Variants in CSMD3 observed in about 807,000 individuals in gnomAD.
CSMD3 encodes the protein CUB and sushi domain-containing protein 3.
A neutral mutation model predicts 435.2 loss-of-function variants in CSMD3; 177 were observed. The observed-to-expected ratio is 0.41, with a 90% confidence interval of 0.36 to 0.46. CSMD3 has a LOEUF of 0.46. Ranked by LOEUF, CSMD3 falls within the 20% of genes least tolerant of loss-of-function variation. The pLI is 0.34. For missense variants in CSMD3, 4,265 were observed against 4,504.6 expected (o/e 0.95, Z 1.52); for synonymous variants, 1,656 against 1,520.5 (o/e 1.09, Z -2.07).
At chr8:112,382,206 C>A (rs1242363356) in intron 37 of CSMD3, among the ~76,000 whole-genome samples, 1 of 149,040 alleles carries the variant, frequency 6.7e-6, no homozygotes, top group Non-Finnish European at 1.5e-5. Context: ...ATTACTTGAG[C>A]CCAAGAATTC....
At chr8:113,258,510 A>G (rs7834149) in intron 3 of CSMD3, among the ~76,000 whole-genome samples, 22,462 of 152,198 alleles carry the variant, frequency 0.15, 1,806 homozygotes, top group Middle Eastern at 0.21. Flanking sequence ...TATAAGTAGA[A>G]GTGTCATAAC....
intron 4 of CSMD3, among the ~76,000 whole-genome samples, chr8:113,169,078 A>G (rs1473950055): frequency 6.6e-6 from 1 of 152,134 alleles, no homozygotes; most frequent in Non-Finnish European, 1.5e-5. Context: ...GCTCAGCCCA[A>G]TTCCATGTTT....
At chr8:112,674,392 C>T (rs1345712326) in intron 16 of CSMD3, among the ~76,000 whole-genome samples, 1 of 152,062 alleles carries the variant, frequency 6.6e-6, no homozygotes, top group Non-Finnish European at 1.5e-5. Flanking sequence ...AGGTATGGAA[C>T]ATGTTGATTC....
intron 13 of CSMD3, 83 bp from the exon 14 acceptor site, chr8:112,690,133 C>T (rs1012114129): frequency 3.0e-6 from 3 of 997,678 alleles, no homozygotes; most frequent in South Asian, 1.3e-5. Flanking sequence ...GATATATGCT[C>T]TTTGTTGTGG....
chr8:112,805,793 A>G (rs1190694136), intron 12 of CSMD3, among the ~76,000 whole-genome samples: 1 of 152,162 alleles, frequency 6.6e-6, no homozygotes, highest in Non-Finnish European at 1.5e-5. Flanking sequence ...GTATTTATGA[A>G]AAAGTATTCA....
At chr8:112,905,128 T>C (rs1196933455) in intron 10 of CSMD3, among the ~76,000 whole-genome samples, 1 of 151,224 alleles carries the variant, frequency 6.6e-6, no homozygotes. Flanking sequence ...AATAAAGATA[T>C]ATGGTAGACA....
chr8:112,559,051 TA>T (rs1828380759), intron 24 of CSMD3, among the ~76,000 whole-genome samples: 1 of 151,890 alleles, frequency 6.6e-6, no homozygotes, highest in Non-Finnish European at 1.5e-5. Context: ...GATGTAGAGA[TA>T]ATATTTCTGT....
chr8:113,346,509 G>A (rs996488629), intron 1 of CSMD3, among the ~76,000 whole-genome samples: 1 of 151,984 alleles, frequency 6.6e-6, no homozygotes, highest in African/African-American at 2.4e-5. Flanking sequence ...CAAGTGCCAA[G>A]GAAACTAGAT....
intron 9 of CSMD3, among the ~76,000 whole-genome samples, chr8:112,931,593 C>T (rs1478864910): frequency 6.6e-6 from 1 of 150,944 alleles, no homozygotes; most frequent in Non-Finnish European, 1.5e-5. Flanking sequence ...GAAAAATAGA[C>T]AAATGGGACT....
intron 3 of CSMD3, among the ~76,000 whole-genome samples, chr8:113,274,566 T>C (rs1478906995): frequency 6.6e-6 from 1 of 152,064 alleles, no homozygotes; most frequent in Non-Finnish European, 1.5e-5. Context: ...AGATACCTAT[T>C]GGTCTTTCAT....
intron 10 of CSMD3, among the ~76,000 whole-genome samples, chr8:112,871,685 G>A (rs1040246328): frequency 2.6e-5 from 4 of 152,070 alleles, no homozygotes; most frequent in Non-Finnish European, 4.4e-5. Context: ...AGAGTTTTGT[G>A]TTGAGTGTCA....
chr8:112,423,515 T>C (rs1007919316), intron 32 of CSMD3, among the ~76,000 whole-genome samples: 3 of 152,140 alleles, frequency 2.0e-5, no homozygotes, highest in East Asian at 3.9e-4. Flanking sequence ...AGTGGTGTGA[T>C]CCTGGCTCAC....
At chr8:113,076,573 A>G (rs965570450) in intron 5 of CSMD3, among the ~76,000 whole-genome samples, 3 of 152,102 alleles carry the variant, frequency 2.0e-5, no homozygotes, top group African/African-American at 4.8e-5. Context: ...AATTAAGATT[A>G]CCCAGTAATT....
At chr8:112,644,839 A>ACCT (rs2074934886) in intron 20 of CSMD3, among the ~76,000 whole-genome samples, 1 of 152,136 alleles carries the variant, frequency 6.6e-6, no homozygotes, top group Non-Finnish European at 1.5e-5. Flanking sequence ...TTTTCCTGTT[A>ACCT]CAAAAATTTC....
At chr8:112,267,247 A>G (rs1426710493) in intron 59 of CSMD3, among the ~76,000 whole-genome samples, 2 of 152,154 alleles carry the variant, frequency 1.3e-5, no homozygotes, top group East Asian at 1.9e-4. Flanking sequence ...ATTAAACAAC[A>G]TCATTCAGAG....
chr8:113,104,349 G>A (rs566186871), intron 4 of CSMD3, among the ~76,000 whole-genome samples: 18 of 152,200 alleles, frequency 1.2e-4, no homozygotes, highest in Non-Finnish European at 1.9e-4. Context: ...ACATCTATGT[G>A]AGGCTTTTTA....
intron 1 of CSMD3, among the ~76,000 whole-genome samples, chr8:113,335,925 G>A (rs1391628139): frequency 6.6e-6 from 1 of 151,754 alleles, no homozygotes; most frequent in Non-Finnish European, 1.5e-5. Context: ...TATCCATTTT[G>A]GGGTATACTC....
intron 32 of CSMD3, among the ~76,000 whole-genome samples, chr8:112,470,143 C>T (rs750850780): frequency 2.4e-4 from 36 of 152,230 alleles, no homozygotes; most frequent in Non-Finnish European, 3.1e-4. Flanking sequence ...GAAAATTGTA[C>T]GGGATCATTA....
intron 6 of CSMD3, among the ~76,000 whole-genome samples, chr8:112,986,799 C>T (rs151130717): frequency 6.6e-6 from 1 of 152,032 alleles, no homozygotes; most frequent in African/African-American, 2.4e-5. Context: ...GAATATTTAC[C>T]CAACCTCACA....
Sources: gnomAD v4.1 joint callset for allele counts (sites outside exome capture counted in the v4.1 genomes callset) on GRCh38, gnomAD v4.1.1 for gene constraint, MANE v1.5 for transcripts, NCBI Gene and HGNC (gene_info 2026-07-23, HGNC 2026-07-21) for gene names.